The following NCAM2 variants were observed in gnomAD, a reference collection of about 807,000 sequenced individuals.
The protein encoded by NCAM2 is neural cell adhesion molecule 2.
Under a neutral mutation model 98.1 loss-of-function variants are expected in NCAM2, and 30 were observed. That is an observed-to-expected ratio of 0.31 (90% CI 0.23 to 0.41). The LOEUF (loss-of-function observed/expected upper bound fraction) is 0.41. Ranked by LOEUF, NCAM2 falls within the 10% of genes least tolerant of loss-of-function variation. The probability of loss-of-function intolerance (pLI) is 1.00; values close to 1 mark genes in which losing one functional copy is unlikely to be tolerated. For missense variants in NCAM2, 867 were observed against 1,005.8 expected (o/e 0.86, Z 1.87); for synonymous variants, 368 against 342.4 (o/e 1.07, Z -0.83).
At chr21:21,473,820 C>T (rs1482059223) in intron 14 of NCAM2, among the ~76,000 whole-genome samples, 1 of 150,394 alleles carries the variant, frequency 6.6e-6, no homozygotes, top group East Asian at 2.0e-4. Context: ...ATAGCCAATA[C>T]TTTCCTGAAT....
chr21:21,318,456 T>C (rs2074282714), intron 5 of NCAM2, among the ~76,000 whole-genome samples: 1 of 152,292 alleles, frequency 6.6e-6, no homozygotes, highest in Non-Finnish European at 1.5e-5. Context: ...CCCTTTAGAT[T>C]GGTGGTAAAA....
intron 1 of NCAM2, among the ~76,000 whole-genome samples, chr21:21,084,622 A>G (rs1187393274): frequency 5.9e-5 from 9 of 152,202 alleles, no homozygotes; most frequent in Admixed American, 3.9e-4. Flanking sequence ...ACAATAATGT[A>G]ATAAAACATT....
intron 1 of NCAM2, among the ~76,000 whole-genome samples, chr21:21,226,176 G>A (rs571737970): frequency 6.6e-5 from 10 of 152,016 alleles, no homozygotes; most frequent in African/African-American, 2.2e-4. Flanking sequence ...AAGAAGGGAG[G>A]CAAAGGATGA....
intron 1 of NCAM2, among the ~76,000 whole-genome samples, chr21:21,147,986 G>A (rs956105875): frequency 1.3e-5 from 2 of 151,944 alleles, no homozygotes; most frequent in Admixed American, 1.3e-4. Context: ...GAGAACCGGG[G>A]GCACTGAGGG....
intron 1 of NCAM2, among the ~76,000 whole-genome samples, chr21:21,273,809 G>T (rs1053487685): frequency 6.6e-6 from 1 of 151,836 alleles, no homozygotes; most frequent in Admixed American, 6.6e-5. Context: ...TTCTTGTTTA[G>T]GATGAAACTT....
At chr21:21,147,288 C>T (rs1377941648) in intron 1 of NCAM2, 1 of 974,376 alleles carries the variant, frequency 1.0e-6, no homozygotes, top group Non-Finnish European at 1.2e-6. Flanking sequence ...ATGAGAATTA[C>T]TACAACATGC....
At chr21:21,536,965 GAA>G (rs898550457) in intron 17 of NCAM2, among the ~76,000 whole-genome samples, 102 of 152,162 alleles carry the variant, frequency 6.7e-4, no homozygotes, top group African/African-American at 2.4e-3. Flanking sequence ...AAAACAATGT[GAA>G]AAGAGACAAA....
At chr21:21,054,696 A>G (rs1203172653) in intron 1 of NCAM2, among the ~76,000 whole-genome samples, 3 of 152,186 alleles carry the variant, frequency 2.0e-5, no homozygotes, top group South Asian at 4.1e-4. Flanking sequence ...TTGACATAAC[A>G]TACTTTTTGC....
At chr21:21,509,176 G>T in intron 16 of NCAM2, 121 bp downstream of exon 16, 1 of 829,784 alleles carries the variant, frequency 1.2e-6, no homozygotes, top group Non-Finnish European at 1.9e-6. Context: ...ATGCAACATT[G>T]GACACTGCAC....
At chr21:21,152,547 A>G (rs1173791237) in intron 1 of NCAM2, among the ~76,000 whole-genome samples, 4 of 152,000 alleles carry the variant, frequency 2.6e-5, no homozygotes, top group Non-Finnish European at 2.9e-5. Flanking sequence ...GAAACATTTC[A>G]GGGTTAAGAT....
chr21:21,193,068 A>G (rs2068877926), intron 1 of NCAM2, among the ~76,000 whole-genome samples: 1 of 152,302 alleles, frequency 6.6e-6, no homozygotes, highest in East Asian at 1.9e-4. Context: ...AATTAAATAG[A>G]TACTGGCTGT....
At chr21:21,207,105 A>G (rs1322416550) in intron 1 of NCAM2, among the ~76,000 whole-genome samples, 2 of 152,218 alleles carry the variant, frequency 1.3e-5, no homozygotes, top group Non-Finnish European at 2.9e-5. Context: ...GAATGTTAAC[A>G]TAAAATGGAG....
At chr21:21,038,936 T>G (rs1487525935) in intron 1 of NCAM2, among the ~76,000 whole-genome samples, 2 of 152,168 alleles carry the variant, frequency 1.3e-5, no homozygotes, top group Non-Finnish European at 2.9e-5. Flanking sequence ...ATCTTAGAAT[T>G]GTAACCGTTT....
chr21:21,532,187 G>A (rs1989742139), intron 16 of NCAM2, among the ~76,000 whole-genome samples: 1 of 151,576 alleles, frequency 6.6e-6, no homozygotes, highest in South Asian at 2.1e-4. Context: ...AATATATGGT[G>A]GTACATACAT....
At chr21:21,400,444 A>T (rs774198685) in intron 9 of NCAM2, among the ~76,000 whole-genome samples, 2 of 152,130 alleles carry the variant, frequency 1.3e-5, no homozygotes, top group Non-Finnish European at 2.9e-5. Flanking sequence ...CTATATAGTA[A>T]TGCACAATTT....
intron 11 of NCAM2, among the ~76,000 whole-genome samples, chr21:21,420,066 G>A (rs1349545484): frequency 1.3e-5 from 2 of 152,024 alleles, no homozygotes; most frequent in Non-Finnish European, 1.5e-5. Context: ...TTCAAGTAAA[G>A]AGAGAATCCT....
At chr21:21,528,850 T>C (rs1989472521) in intron 16 of NCAM2, among the ~76,000 whole-genome samples, 1 of 152,026 alleles carries the variant, frequency 6.6e-6, no homozygotes, top group Non-Finnish European at 1.5e-5. Flanking sequence ...TCATAGATGT[T>C]GGGGAAAAGT....
intron 1 of NCAM2, among the ~76,000 whole-genome samples, chr21:21,276,771 G>A (rs1391724286): frequency 6.6e-6 from 1 of 151,926 alleles, no homozygotes; most frequent in African/African-American, 2.4e-5. Flanking sequence ...TAGTGAAGTA[G>A]AGAATTATAT....
chr21:21,477,389 G>T lies in NCAM2; in HGVS notation c.1995G>T (p.Gln665His), dbSNP rs1484813255. The T allele has an allele frequency of 1.9e-6, 3 of 1,612,372 alleles. No homozygotes were observed. The highest frequency in any genetic ancestry group is 2.5e-6 in the Non-Finnish European group (3 of 1,178,928). The change falls in exon 15 of 18, where the codon CAG (glutamine) becomes CAT (histidine). Residue 665 changes from glutamine (Q) to histidine (H), a missense_variant. Coordinates refer to ENST00000400546, the MANE Select transcript of NCAM2 (RefSeq NM_004540.5). ...HLQWTMGYEV[Q>H]ITAANRLGYS... ...AGTGGACCATGGGGTATGAAGTTCA[G>T]ATTACAGCTGCCAATAGATTGGGAT...
Sources: gnomAD v4.1 joint callset for allele counts (sites outside exome capture counted in the v4.1 genomes callset) on GRCh38, gnomAD v4.1.1 for gene constraint, MANE v1.5 for transcripts, NCBI Gene and HGNC (gene_info 2026-07-23, HGNC 2026-07-21) for gene names.